The following RIT2 variants were observed in gnomAD, a reference collection of about 807,000 sequenced individuals.
The protein encoded by RIT2 is Ras like without CAAX 2.
Under a neutral mutation model 23.7 loss-of-function variants are expected in RIT2, and 24 were observed. The ratio of observed to expected loss-of-function variants is 1.01; its 90% CI spans 0.73 to 1.43. RIT2 has a LOEUF of 1.43. RIT2 is among the 40% of genes most tolerant of loss of function. The pLI is 0.00. For missense variants in RIT2, 236 were observed against 266.9 expected, an observed-to-expected ratio of 0.88 and a Z score of 0.81; for synonymous variants, 107 against 91.1, an observed-to-expected ratio of 1.17 and a Z score of -0.99.
intron 4 of RIT2, among the ~76,000 whole-genome samples, chr18:42,747,149 A>G (rs1912936517): frequency 6.6e-6 from 1 of 152,028 alleles, no homozygotes; most frequent in Admixed American, 6.6e-5. Context: ...ATACCTAGAA[A>G]ACCCTAAAGA....
At chr18:42,913,857 C>T (rs1908836708) in intron 4 of RIT2, among the ~76,000 whole-genome samples, 1 of 151,962 alleles carries the variant, frequency 6.6e-6, no homozygotes, top group Non-Finnish European at 1.5e-5. Context: ...GAAGTGTTCT[C>T]ACCACAAAAA....
chr18:43,050,123 G>A (rs1290114531), intron 1 of RIT2, among the ~76,000 whole-genome samples: 2 of 151,010 alleles, frequency 1.3e-5, no homozygotes, highest in Non-Finnish European at 2.9e-5. Flanking sequence ...AATTCCCTAA[G>A]TTAAGTGATT....
chr18:42,988,911 G>A (rs529762729), intron 2 of RIT2, among the ~76,000 whole-genome samples: 2 of 152,300 alleles, frequency 1.3e-5, no homozygotes, highest in African/African-American at 4.8e-5. Flanking sequence ...GCAGCAATCT[G>A]CTGAAGAGTA....
At chr18:42,861,312 T>C (rs1162891113) in intron 4 of RIT2, among the ~76,000 whole-genome samples, 1 of 152,186 alleles carries the variant, frequency 6.6e-6, no homozygotes, top group Non-Finnish European at 1.5e-5. Context: ...TTTCATCCCT[T>C]GCCTGGGTGA....
intron 1 of RIT2, among the ~76,000 whole-genome samples, chr18:43,062,195 T>C (rs1474070387): frequency 6.6e-6 from 1 of 152,078 alleles, no homozygotes; most frequent in East Asian, 1.9e-4. Context: ...ACTATGCAGA[T>C]ACTCAGGACA....
chr18:43,103,627 G>A (rs920385271), intron 1 of RIT2, among the ~76,000 whole-genome samples: 3 of 152,172 alleles, frequency 2.0e-5, no homozygotes, highest in African/African-American at 2.4e-5. Flanking sequence ...TGCAGAATCT[G>A]AAAGGACAGA....
At chr18:42,874,429 A>G (rs966746377) in intron 4 of RIT2, among the ~76,000 whole-genome samples, 3 of 152,162 alleles carry the variant, frequency 2.0e-5, no homozygotes, top group Admixed American at 6.6e-5. Flanking sequence ...GCATAAACAC[A>G]ACTAGTATTT....
At chr18:42,824,273 A>T (rs1906233878) in intron 4 of RIT2, among the ~76,000 whole-genome samples, 1 of 152,116 alleles carries the variant, frequency 6.6e-6, no homozygotes, top group Non-Finnish European at 1.5e-5. Context: ...ACACATTTAC[A>T]ATTTAAAAGC....
chr18:42,752,553 G>A (rs536370798), intron 4 of RIT2, among the ~76,000 whole-genome samples: 2 of 152,164 alleles, frequency 1.3e-5, no homozygotes, highest in South Asian at 2.1e-4. Flanking sequence ...ATTAAGCACC[G>A]CTTCCCTTCT....
intron 2 of RIT2, among the ~76,000 whole-genome samples, chr18:42,998,987 G>A (rs1911047350): frequency 6.6e-6 from 1 of 152,060 alleles, no homozygotes. Context: ...TCTACAATGT[G>A]TTAACTCTTA....
At chr18:42,920,697 C>G in intron 4 of RIT2, 1 of 1,590,192 alleles carries the variant, frequency 6.3e-7, no homozygotes, top group Admixed American at 1.7e-5. Flanking sequence ...CTATTCTTAC[C>G]AAATATGAAA....
chr18:42,745,829 A>G (rs1349712628), intron 4 of RIT2, among the ~76,000 whole-genome samples: 1 of 152,100 alleles, frequency 6.6e-6, no homozygotes, highest in Non-Finnish European at 1.5e-5. Flanking sequence ...AATTTTCCCC[A>G]CCCAGAAGCT....
intron 1 of RIT2, among the ~76,000 whole-genome samples, chr18:43,085,718 T>A (rs866231869): frequency 7.9e-5 from 12 of 152,176 alleles, no homozygotes; most frequent in African/African-American, 2.7e-4. Context: ...GCATACCTTA[T>A]CCAGTGACGT....
intron 1 of RIT2, among the ~76,000 whole-genome samples, chr18:43,076,395 T>C (rs548602305): frequency 2.0e-5 from 3 of 152,246 alleles, no homozygotes; most frequent in African/African-American, 7.2e-5. Context: ...CTACTAAATG[T>C]CAAGCTTGGG....
intron 4 of RIT2, among the ~76,000 whole-genome samples, chr18:42,781,619 T>A (rs1039071593): frequency 9.2e-5 from 14 of 152,154 alleles, no homozygotes; most frequent in African/African-American, 3.4e-4. Context: ...TGGTAAAATT[T>A]AGCTGGGTTA....
intron 4 of RIT2, among the ~76,000 whole-genome samples, chr18:42,906,400 A>G (rs961109541): frequency 9.2e-5 from 14 of 152,172 alleles, no homozygotes; most frequent in Non-Finnish European, 1.3e-4. Flanking sequence ...ATATTACATT[A>G]ATGTTATTTA....
chr18:43,104,643 T>C (rs1413583624), intron 1 of RIT2, among the ~76,000 whole-genome samples: 1 of 152,156 alleles, frequency 6.6e-6, no homozygotes, highest in Non-Finnish European at 1.5e-5. Context: ...CTAATATTTT[T>C]CCACTGATTT....
chr18:42,996,684 C>T (rs778802035), intron 2 of RIT2, among the ~76,000 whole-genome samples: 19 of 151,936 alleles, frequency 1.3e-4, no homozygotes, highest in African/African-American at 3.4e-4. Context: ...TCTTATAAAA[C>T]GGCCTCACCC....
chr18:42,804,131 T>C lies in RIT2; in HGVS notation c.427-60411A>G, dbSNP rs530539002. Among the ~76,000 whole-genome samples, 134 of 152,344 alleles carry C rather than the reference T, an allele frequency of 8.8e-4. 1 individual carries two copies. In the Middle Eastern group the frequency reaches 0.02, roughly 23 times the overall value. ...ACAACAAAAAATGAGAATAAGTTTT[T>C]AAAGTCAGGATGTCCCAAGGGAAGT... On this transcript the variant is annotated intron_variant, in intron 4 of 4. Transcript: ENST00000326695.
Sources: allele counts gnomAD v4.1 joint callset (sites outside exome capture counted in the v4.1 genomes callset), GRCh38; gene constraint gnomAD v4.1.1; transcripts MANE v1.5; gene names NCBI Gene and HGNC (gene_info 2026-07-23, HGNC 2026-07-21).